LRRK2: variants seen among roughly 807,000 people sequenced by gnomAD.
LRRK2 encodes leucine-rich repeat serine/threonine-protein kinase 2.
Under a neutral mutation model 302.6 loss-of-function variants are expected in LRRK2, and 203 were observed. That is an observed-to-expected ratio of 0.67 (90% CI 0.60 to 0.75). The LOEUF is 0.75. Among genes scored for constraint, LRRK2 ranks in the 30% least tolerant of loss-of-function variants. The pLI is 0.00. For missense variants in LRRK2, 2,830 were observed against 2,951.0 expected, an observed-to-expected ratio of 0.96 and a Z score of 0.95; for synonymous variants, 1,066 against 1,031.9, an observed-to-expected ratio of 1.03 and a Z score of -0.63.
At chr12:40,275,061 A>G in intron 16 of LRRK2, 68 bp downstream of exon 16, 1 of 1,564,370 alleles carries the variant, frequency 6.4e-7, no homozygotes. Context: ...AGTTTGTGTA[A>G]TTCCCACTTT....
At chr12:40,228,886 C>A (rs936791004) in intron 2 of LRRK2, among the ~76,000 whole-genome samples, 1 of 152,142 alleles carries the variant, frequency 6.6e-6, no homozygotes, top group South Asian at 2.1e-4. Flanking sequence ...ACTGTCATAG[C>A]GAAGTGAGAG....
intron 50 of LRRK2, chr12:40,367,353 A>G (rs1318388413): frequency 2.3e-6 from 1 of 428,986 alleles, no homozygotes; most frequent in Non-Finnish European, 4.1e-6. Context: ...CTATATCTAC[A>G]TAATGTCTAA....
At chr12:40,253,054 C>T in intron 11 of LRRK2, 38 bp downstream of exon 11, 1 of 1,334,228 alleles carries the variant, frequency 7.5e-7, no homozygotes, top group Non-Finnish European at 1.1e-6. Context: ...AAGGGAAACA[C>T]ATTTTTGTGG....
chr12:40,273,791 T>G (rs1943333945), intron 14 of LRRK2, among the ~76,000 whole-genome samples: 1 of 152,204 alleles, frequency 6.6e-6, no homozygotes, highest in African/African-American at 2.4e-5. Flanking sequence ...ATTGCTTGTG[T>G]GTGAAAAGGC....
intron 23 of LRRK2, among the ~76,000 whole-genome samples, chr12:40,296,978 T>A (rs139544985): frequency 1.5e-3 from 235 of 152,304 alleles, no homozygotes; most frequent in South Asian, 5.6e-3. Flanking sequence ...CTAGCCTCCA[T>A]GTCCATAACA....
chr12:40,234,622 C>T (rs1941365975), intron 3 of LRRK2, among the ~76,000 whole-genome samples: 1 of 151,966 alleles, frequency 6.6e-6, no homozygotes, highest in East Asian at 1.9e-4. Context: ...CATGATCCCC[C>T]CGCCTCGGCG....
chr12:40,298,305 T>A lies in LRRK2; in HGVS notation c.3159T>A (p.Tyr1053Ter). 6.2e-7 allele frequency: 1 copy of A among 1,613,860 alleles called. No homozygotes were observed. Among genetic ancestry groups the A allele is most frequent in the Non-Finnish European group, 8.5e-7 (1 of 1,179,894 alleles). ...ATAAATTTACATCATTTCCTTCTTA[T>A]TTGTTGAAAATGAGTTGTATTGCTA... is the stretch of plus-strand genomic sequence containing the variant. ...HSNKFTSFPS[Y>*]LLKMSCIANL... The change falls in exon 24 of 51, where the codon TAT (tyrosine) becomes TAA (stop). Residue 1053 changes from tyrosine to a stop codon, truncating the protein, a stop_gained. Coordinates refer to ENST00000298910, the MANE Select transcript of LRRK2 (RefSeq NM_198578.4). LOFTEE classifies it high-confidence loss of function.
chr12:40,358,480 G>A (rs1049966982), intron 46 of LRRK2, among the ~76,000 whole-genome samples: 1 of 152,130 alleles, frequency 6.6e-6, no homozygotes, highest in Non-Finnish European at 1.5e-5. Flanking sequence ...ATTTATTGAA[G>A]GTGGTATTCT....
intron 26 of LRRK2, among the ~76,000 whole-genome samples, chr12:40,303,494 T>G (rs1431921948): frequency 1.3e-5 from 2 of 152,070 alleles, no homozygotes; most frequent in Non-Finnish European, 2.9e-5. Context: ...CTTCAAACAC[T>G]ATGGCTTTTT....
chr12:40,237,640 T>G (rs963931364), intron 4 of LRRK2, among the ~76,000 whole-genome samples: 1 of 152,110 alleles, frequency 6.6e-6, no homozygotes, highest in African/African-American at 2.4e-5. Context: ...GGGGTAACTG[T>G]GGAATATTCA....
chr12:40,243,531 A>C lies in LRRK2; in HGVS notation c.707-19A>C. 6.2e-7 allele frequency: 1 copy of C among 1,609,584 alleles called. No individual in the cohort carries two copies. Among genetic ancestry groups the C allele is most frequent in the South Asian group, 1.1e-5 (1 of 90,976 alleles). On this transcript the variant is annotated intron_variant, in intron 6 of 50. Coordinates refer to ENST00000298910, the MANE Select transcript of LRRK2 (RefSeq NM_198578.4). Reference sequence around the variant, plus strand: ...GAACATGGTTACCTTATTGATAATTATGATCTCTTTAAATTCAGGCAATAA... The same window carrying C: ...GAACATGGTTACCTTATTGATAATTCTGATCTCTTTAAATTCAGGCAATAA...
At position 40,243,582 on chromosome 12, in the gene LRRK2, G is replaced by A; in HGVS notation, c.739G>A (p.Val247Ile). Residue 247 changes from valine (V) to isoleucine (I), a missense_variant, in exon 7 of 51, where the codon GTC becomes ATC. Physicochemically the swap from Val to Ile is conservative, Grantham distance 29 (BLOSUM62 3). Coordinates refer to ENST00000298910, the MANE Select transcript of LRRK2 (RefSeq NM_198578.4). The stretch of plus-strand genomic sequence containing the variant: ...TGTGGAAGTCCTCATGAGTGGCAAT[G>A]TCAGGTGTTATAATATTGTGGTGGA... ...NNVEVLMSGNVRCYNIVVEAM... is the reference protein window; with the variant it reads ...NNVEVLMSGNIRCYNIVVEAM... 1.2e-6 allele frequency: 2 copies of A among 1,612,044 alleles called. No individual in the cohort carries two copies. The highest frequency in any genetic ancestry group is 1.7e-6 in the Non-Finnish European group (2 of 1,178,614).
intron 20 of LRRK2, among the ~76,000 whole-genome samples, chr12:40,289,058 C>T (rs1332218879): frequency 6.6e-6 from 1 of 151,772 alleles, no homozygotes. Flanking sequence ...GCATTTAGGT[C>T]TAAAACATTT....
intron 18 of LRRK2, among the ~76,000 whole-genome samples, chr12:40,282,107 T>C (rs1227099598): frequency 1.7e-4 from 2 of 11,752 alleles, no homozygotes; most frequent in African/African-American, 2.8e-4. Flanking sequence ...CCCCTCCCCT[T>C]CTCTTCCCTC....
intron 32 of LRRK2, 35 bp from the exon 33 acceptor site, chr12:40,315,177 T>A (rs758441421): frequency 6.6e-7 from 1 of 1,525,982 alleles, no homozygotes; most frequent in Non-Finnish European, 9.1e-7. Flanking sequence ...TGTTCTAGAT[T>A]CCATGTTTCA....
At chr12:40,252,093 A>G (rs1014127944) in intron 10 of LRRK2, among the ~76,000 whole-genome samples, 2 of 152,196 alleles carry the variant, frequency 1.3e-5, no homozygotes, top group Non-Finnish European at 2.9e-5. Flanking sequence ...TCCCAAAGAT[A>G]CAAGCTGTAG....
intron 7 of LRRK2, among the ~76,000 whole-genome samples, chr12:40,246,430 C>T (rs1380868490): frequency 1.3e-5 from 2 of 151,890 alleles, no homozygotes; most frequent in Non-Finnish European, 2.9e-5. Context: ...TTTTGGCAGC[C>T]TCTTGTTTTT....
intron 11 of LRRK2, among the ~76,000 whole-genome samples, chr12:40,256,382 A>G (rs1030431244): frequency 2.9e-4 from 44 of 152,106 alleles, no homozygotes; most frequent in African/African-American, 8.2e-4. Context: ...GGAGGTTAAG[A>G]CTGCAGTGAG....
intron 11 of LRRK2, among the ~76,000 whole-genome samples, chr12:40,255,428 G>C (rs1172184563): frequency 6.6e-6 from 1 of 152,140 alleles, no homozygotes; most frequent in African/African-American, 2.4e-5. Flanking sequence ...TAGATAGCTG[G>C]TAAATGCGAT....
Sources: allele counts gnomAD v4.1 joint callset (sites outside exome capture counted in the v4.1 genomes callset), GRCh38; gene constraint gnomAD v4.1.1; transcripts MANE v1.5; gene names NCBI Gene and HGNC (gene_info 2026-07-23, HGNC 2026-07-21).